TENM2: variants seen among roughly 807,000 people sequenced by gnomAD.
TENM2 encodes the protein teneurin-2.
Under a neutral mutation model 245.2 loss-of-function variants are expected in TENM2, and 52 were observed. The observed-to-expected ratio is 0.21, with a 90% confidence interval of 0.17 to 0.27. The LOEUF (loss-of-function observed/expected upper bound fraction) is 0.27. TENM2 is among the 10% of genes least tolerant of loss of function. The pLI, the probability that TENM2 is intolerant of heterozygous loss-of-function variation, is 1.00. For synonymous variants in TENM2, 1,363 were observed against 1,438.9 expected, an observed-to-expected ratio of 0.95 and a Z score of 1.19; for missense variants, 3,046 against 3,666.8, an observed-to-expected ratio of 0.83 and a Z score of 4.37.
intron 3 of TENM2, among the ~76,000 whole-genome samples, chr5:167,946,431 C>T (rs1229645280): frequency 6.6e-6 from 1 of 152,170 alleles, no homozygotes; most frequent in Non-Finnish European, 1.5e-5. Context: ...AAAGAGATTG[C>T]ACTGCAGTTT....
chr5:168,006,592 T>C (rs558095625), intron 5 of TENM2, among the ~76,000 whole-genome samples: 21 of 152,308 alleles, frequency 1.4e-4, no homozygotes, highest in African/African-American at 4.6e-4. Flanking sequence ...TCAATAAATG[T>C]GTGACAGGCA....
the TENM2 span, among the ~76,000 whole-genome samples, chr5:167,018,869 T>C: frequency 1.3e-5 from 2 of 152,212 alleles, no homozygotes; most frequent in East Asian, 3.9e-4. Flanking sequence ...AATTCTCACA[T>C]TTGTAAAATG....
At chr5:167,649,758 G>A (rs1490865744) in intron 2 of TENM2, among the ~76,000 whole-genome samples, 1 of 152,130 alleles carries the variant, frequency 6.6e-6, no homozygotes, top group Admixed American at 6.6e-5. Flanking sequence ...AGGTATCTAA[G>A]CAAATGTGAT....
intron 2 of TENM2, among the ~76,000 whole-genome samples, chr5:167,381,355 T>C (rs550272235): frequency 6.6e-6 from 1 of 152,294 alleles, no homozygotes; most frequent in African/African-American, 2.4e-5. Context: ...GTTTGAGTAA[T>C]GTTAAAGGAG....
At chr5:167,739,266 C>A (rs1159153009) in intron 2 of TENM2, among the ~76,000 whole-genome samples, 1 of 152,062 alleles carries the variant, frequency 6.6e-6, no homozygotes, top group African/African-American at 2.4e-5. Flanking sequence ...CTTTATTCTA[C>A]AAAATAAAGG....
the TENM2 span, among the ~76,000 whole-genome samples, chr5:166,980,146 A>G: frequency 2.6e-5 from 4 of 152,332 alleles, no homozygotes; most frequent in East Asian, 7.7e-4. Flanking sequence ...CTTGCAAAAG[A>G]TAATAAACAT....
In TENM2 at chr5:167,674,598, G is replaced by A. The variant is rs1368490320; in HGVS notation, c.503-201388G>A. Among the ~76,000 whole-genome samples the A allele has an allele frequency of 5.3e-5, 8 of 152,152 alleles. No homozygotes were observed. In the South Asian group the frequency reaches 1.7e-3, roughly 32 times the overall value. On this transcript the variant is annotated intron_variant, in intron 2 of 28. Coordinates refer to ENST00000518659, the Ensembl canonical transcript of TENM2. ...ACCAAGTTTCTACTGCTTATAACTTGCCTTGGACAAGTTATATCATCTCCG... is the reference window on the plus strand; with the variant it reads ...ACCAAGTTTCTACTGCTTATAACTTACCTTGGACAAGTTATATCATCTCCG...
chr5:167,584,703 T>C (rs1775356996), intron 2 of TENM2, among the ~76,000 whole-genome samples: 1 of 151,800 alleles, frequency 6.6e-6, no homozygotes, highest in African/African-American at 2.4e-5. Flanking sequence ...CTTTTCTTTT[T>C]TTTTTTTTTC....
chr5:167,356,217 A>AAAAAAAAAAAAGAAAGAAAAATT (rs1759321624), intron 1 of TENM2, among the ~76,000 whole-genome samples: 1 of 129,104 alleles, frequency 7.7e-6, no homozygotes, highest in African/African-American at 3.2e-5. Context: ...AAAAAAAAAA[A>AAAAAAAAAAAAGAAAGAAAAATT]AAAATTAAAA....
the TENM2 span, among the ~76,000 whole-genome samples, chr5:167,055,286 G>C: frequency 6.6e-6 from 1 of 152,042 alleles, no homozygotes; most frequent in Non-Finnish European, 1.5e-5. Context: ...TTTTTGAAAA[G>C]ACTATCCTAC....
intron 12 of TENM2, among the ~76,000 whole-genome samples, chr5:168,157,229 A>C (rs1439926933): frequency 1.3e-5 from 2 of 152,118 alleles, no homozygotes; most frequent in African/African-American, 4.8e-5. Flanking sequence ...AGGTGAGAAA[A>C]GTGAAAAGGA....
Position 167,856,821 on chromosome 5 carries a change from C to T in TENM2, c.503-19165C>T, listed in dbSNP as rs577710342. On this transcript the variant is annotated intron_variant, in intron 2 of 28. Transcript: ENST00000518659. ...TGTCTACAGCCTTGCTGACAAGAGC[C>T]GCTCAGGACTGCTGAAATAATTTCT... Among the ~76,000 whole-genome samples, 561 of 152,260 alleles carry T rather than the reference C, an allele frequency of 3.7e-3. 2 individuals are homozygous for T. The highest frequency in any genetic ancestry group is 0.012 in the African/African-American group (516 of 41,552).
chr5:167,181,257 A>C, the TENM2 span, among the ~76,000 whole-genome samples: 2 of 152,138 alleles, frequency 1.3e-5, no homozygotes, highest in Non-Finnish European at 2.9e-5. Flanking sequence ...GAGGCTGTTT[A>C]AGTTTGTTAT....
exon 16 of TENM2, chr5:168,198,885 T>C (rs1158869389): frequency 7.3e-5 from 118 of 1,613,868 alleles, no homozygotes; most frequent in Non-Finnish European, 1.0e-4. Flanking sequence ...GGTGCTTCCT[T>C]GACTCTACAC....
At chr5:168,158,502 T>G (rs1757394119) in intron 12 of TENM2, among the ~76,000 whole-genome samples, 1 of 151,988 alleles carries the variant, frequency 6.6e-6, no homozygotes, top group African/African-American at 2.4e-5. Context: ...GGGGTTTATG[T>G]CTAGGGCTAG....
intron 2 of TENM2, among the ~76,000 whole-genome samples, chr5:167,450,586 C>T (rs13175808): frequency 0.23 from 34,313 of 151,864 alleles, 4,319 homozygotes; most frequent in East Asian, 0.29. Context: ...TTATATATGT[C>T]TACCTTATAT....
intron 2 of TENM2, among the ~76,000 whole-genome samples, chr5:167,558,328 A>G (rs1773380862): frequency 6.6e-6 from 1 of 152,254 alleles, no homozygotes; most frequent in South Asian, 2.1e-4. Flanking sequence ...TGGTTTGATC[A>G]TTCCTGAGAA....
intron 3 of TENM2, among the ~76,000 whole-genome samples, chr5:167,886,245 A>T (rs1446709372): frequency 1.3e-5 from 2 of 152,178 alleles, no homozygotes; most frequent in African/African-American, 4.8e-5. Flanking sequence ...AACTTGACCC[A>T]AAGAAACTGG....
the TENM2 span, among the ~76,000 whole-genome samples, chr5:167,059,570 C>G: frequency 6.6e-6 from 1 of 152,200 alleles, no homozygotes; most frequent in African/African-American, 2.4e-5. Context: ...TCCCCAAAGG[C>G]ATTCAGAATT....
Sources: gnomAD v4.1 joint callset for allele counts (sites outside exome capture counted in the v4.1 genomes callset) on GRCh38, gnomAD v4.1.1 for gene constraint, MANE v1.5 for transcripts, NCBI Gene and HGNC (gene_info 2026-07-23, HGNC 2026-07-21) for gene names.